Variants in XPR1 observed in about 807,000 individuals in gnomAD.
XPR1 encodes xenotropic and polytropic retrovirus receptor 1.
A neutral mutation model predicts 87.5 loss-of-function variants in XPR1; 28 were observed. The ratio of observed to expected loss-of-function variants is 0.32; its 90% confidence interval spans 0.24 to 0.44. The LOEUF (loss-of-function observed/expected upper bound fraction) is 0.44. XPR1 is among the 20% of genes least tolerant of loss of function. XPR1 has a pLI of 1.00. For missense variants in XPR1, 559 were observed against 862.3 expected (o/e 0.65, Z 4.41); for synonymous variants, 300 against 306.1 (o/e 0.98, Z 0.21).
Position 180,696,202 on chromosome 1 carries a change from G to GTATATA in XPR1, c.121+13792_121+13793insATATAT, listed in dbSNP as rs1483808394. ...TGTGTGTGTGTGTGTGTGTGTGTGT[G>GTATATA]TGTGTGTATATATATATATATATAT... On this transcript the variant is annotated intron_variant, in intron 2 of 14. Coordinates refer to ENST00000367590, the MANE Select transcript of XPR1 (RefSeq NM_004736.4). Among the ~76,000 whole-genome samples the GTATATA allele has an allele frequency of 3.1e-3, 325 of 106,142 alleles. 1 individual carries two copies. The highest frequency in any genetic ancestry group is 5.0e-3 in the Middle Eastern group (1 of 202). 69.6% of individuals were successfully genotyped at this position (106,142 alleles called of 152,430 possible).
chr1:180,839,339 C>T (rs1403783120), intron 11 of XPR1, among the ~76,000 whole-genome samples: 1 of 152,170 alleles, frequency 6.6e-6, no homozygotes, highest in Non-Finnish European at 1.5e-5. Flanking sequence ...CTAACCTAGA[C>T]AGTAGACCAT....
At chr1:180,633,113 G>A (rs1433409134) in intron 1 of XPR1, among the ~76,000 whole-genome samples, 1 of 152,128 alleles carries the variant, frequency 6.6e-6, no homozygotes, top group Non-Finnish European at 1.5e-5. Flanking sequence ...CAGAAATCAT[G>A]CTCCCCATTC....
At chr1:180,796,413 C>T (rs1002282137) in intron 3 of XPR1, among the ~76,000 whole-genome samples, 3 of 152,014 alleles carry the variant, frequency 2.0e-5, no homozygotes, top group African/African-American at 7.3e-5. Flanking sequence ...ATTCCCCTAC[C>T]CCCACCTACG....
chr1:180,656,373 TATATA>T (rs1270454651), intron 1 of XPR1, among the ~76,000 whole-genome samples: 2 of 103,438 alleles, frequency 1.9e-5, no homozygotes, highest in Admixed American at 1.5e-4. Context: ...ATAATATTTA[TATATA>T]ATATTCATGT....
At chr1:180,835,099 T>C in intron 10 of XPR1, 54 bp downstream of exon 10, 6 of 1,552,364 alleles carry the variant, frequency 3.9e-6, no homozygotes, top group South Asian at 1.2e-5. Flanking sequence ...AACCAAGATA[T>C]ATTGGGAAGG....
intron 2 of XPR1, among the ~76,000 whole-genome samples, chr1:180,761,794 T>C (rs1648042635): frequency 6.6e-6 from 1 of 152,156 alleles, no homozygotes; most frequent in South Asian, 2.1e-4. Flanking sequence ...GGATTATAAA[T>C]CATGCTGCTA....
At chr1:180,758,984 A>G (rs1412689275) in intron 2 of XPR1, among the ~76,000 whole-genome samples, 2 of 152,218 alleles carry the variant, frequency 1.3e-5, no homozygotes, top group South Asian at 2.1e-4. Context: ...GCTCAACTAC[A>G]TGGAAACTGA....
chr1:180,671,244 G>A (rs1028025813), intron 1 of XPR1, among the ~76,000 whole-genome samples: 1 of 152,086 alleles, frequency 6.6e-6, no homozygotes, highest in African/African-American at 2.4e-5. Context: ...AGGAGAATCG[G>A]GCTACTGCTT....
At chr1:180,732,768 A>G (rs2102013018) in intron 2 of XPR1, among the ~76,000 whole-genome samples, 1 of 152,344 alleles carries the variant, frequency 6.6e-6, no homozygotes, top group South Asian at 2.1e-4. Flanking sequence ...CAGCTCAATT[A>G]GACCCTTTAC....
Position 180,825,165 on chromosome 1 carries a change from A to C in XPR1, c.955A>C (p.Ile319Leu), listed in dbSNP as rs1650782964. The C allele has an allele frequency of 6.2e-7, 1 of 1,600,852 alleles. No individual in the cohort carries two copies. The highest frequency in any genetic ancestry group is 1.1e-5 in the South Asian group (1 of 87,422). The change falls in exon 9 of 15, where the codon ATT becomes CTT. Residue 319 changes from isoleucine (I) to leucine (L), a missense_variant and splice_region_variant. By Grantham distance (5) the Ile-to-Leu change is conservative. Coordinates refer to ENST00000367590, the MANE Select transcript of XPR1 (RefSeq NM_004736.4). ...TTCTGTCTTCCCCATCCTTTACTAG[A>C]TTGCTGGATTCCTCGGGATATTGTG... ...SNLSHQHLFE[I>L]AGFLGILWCL...
intron 1 of XPR1, among the ~76,000 whole-genome samples, chr1:180,656,809 A>G (rs1405465128): frequency 6.7e-6 from 1 of 149,506 alleles, no homozygotes; most frequent in Non-Finnish European, 1.5e-5. Context: ...GTGGGAGTGC[A>G]GATGTCTCTT....
At chr1:180,805,526 G>A (rs1376447116) in intron 4 of XPR1, among the ~76,000 whole-genome samples, 1 of 152,122 alleles carries the variant, frequency 6.6e-6, no homozygotes, top group East Asian at 1.9e-4. Flanking sequence ...CTGAGAATGA[G>A]TGAAAGGAAA....
intron 1 of XPR1, among the ~76,000 whole-genome samples, chr1:180,657,109 A>C (rs1655559498): frequency 6.6e-6 from 1 of 152,210 alleles, no homozygotes; most frequent in Admixed American, 6.5e-5. Flanking sequence ...GCACCTTTTC[A>C]TATGCCTGTT....
chr1:180,761,636 G>T (rs1418316659), intron 2 of XPR1, among the ~76,000 whole-genome samples: 6 of 152,326 alleles, frequency 3.9e-5, no homozygotes, highest in Admixed American at 6.5e-5. Flanking sequence ...TGCTGGAGAG[G>T]ATGTGGAGAA....
At chr1:180,665,369 A>G (rs1231456536) in intron 1 of XPR1, among the ~76,000 whole-genome samples, 1 of 152,092 alleles carries the variant, frequency 6.6e-6, no homozygotes, top group Non-Finnish European at 1.5e-5. Context: ...TGGGTGGGGG[A>G]CACAGCCAAA....
At chr1:180,797,530 G>T (rs1649631663) in intron 3 of XPR1, among the ~76,000 whole-genome samples, 1 of 152,166 alleles carries the variant, frequency 6.6e-6, no homozygotes, top group Admixed American at 6.5e-5. Context: ...TTTTTAATAT[G>T]CATGTAATGA....
chr1:180,762,443 G>C (rs61811192), intron 2 of XPR1, among the ~76,000 whole-genome samples: 8,140 of 152,212 alleles, frequency 0.053, 313 homozygotes, highest in Non-Finnish European at 0.079. Context: ...GAATTATCTT[G>C]ATCATACATT....
chr1:180,666,312 AT>A (rs1441725389), intron 1 of XPR1, among the ~76,000 whole-genome samples: 4 of 152,138 alleles, frequency 2.6e-5, no homozygotes, highest in Non-Finnish European at 5.9e-5. Flanking sequence ...GGGTTTTTCC[AT>A]TTCTGCAAGA....
At position 180,710,138 on chromosome 1, in the gene XPR1, C is replaced by T. The variant is rs185921207; in HGVS notation, c.121+27727C>T. Among the ~76,000 whole-genome samples the T allele has an allele frequency of 1.7e-3, 257 of 151,644 alleles. 1 individual carries two copies. The highest frequency in any genetic ancestry group is 4.2e-3 in the South Asian group (20 of 4,794). ...CGAACTCCTGACCTTGTGATCTCCC[C>T]GTCTTCGCCTCCCAAAGTGCTGGGA... On this transcript the variant is annotated intron_variant, in intron 2 of 14. Transcript: ENST00000367590.
Sources: allele counts gnomAD v4.1 joint callset (sites outside exome capture counted in the v4.1 genomes callset), GRCh38; gene constraint gnomAD v4.1.1; transcripts MANE v1.5; gene names NCBI Gene and HGNC (gene_info 2026-07-23, HGNC 2026-07-21).